The following TXNRD2 variants were observed in gnomAD, a reference collection of about 807,000 sequenced individuals.
The protein encoded by TXNRD2 is thioredoxin reductase 2, mitochondrial.
Under a neutral mutation model 70.8 loss-of-function variants are expected in TXNRD2, and 67 were observed. The observed-to-expected ratio is 0.95, with a 90% CI of 0.78 to 1.16. The LOEUF (loss-of-function observed/expected upper bound fraction) is 1.16, where lower values mean the gene tolerates loss of function less well. Ranked by LOEUF, TXNRD2 falls within the 50% of genes most tolerant of loss-of-function variation. The pLI, the probability that TXNRD2 is intolerant of heterozygous loss-of-function variation, is 0.00. For missense variants in TXNRD2, 644 were observed against 719.9 expected (o/e 0.89, Z 1.21); for synonymous variants, 301 against 295.8 (o/e 1.02, Z -0.18).
chr22:19,880,732 AG>A lies in TXNRD2; in HGVS notation c.1087-16del, dbSNP rs34827823. The A allele has an allele frequency of 0.15, 237,499 of 1,597,222 alleles. 19,523 individuals carry two copies. Among genetic ancestry groups the A allele is most frequent in the African/African-American group, 0.28 (20,583 of 74,560 alleles). On this transcript the variant is annotated splice_polypyrimidine_tract_variant and intron_variant, in intron 12 of 17. Transcript: ENST00000400521. ...TCAGGCCGCCCCTTGGGGAAGGCACAGGGGGGCCACGTCAGCACCATGTCCG... is the reference window on the plus strand; with the variant it reads ...TCAGGCCGCCCCTTGGGGAAGGCACAGGGGGCCACGTCAGCACCATGTCCG...
intron 10 of TXNRD2, among the ~76,000 whole-genome samples, chr22:19,896,925 C>T (rs1355766504): frequency 6.6e-6 from 1 of 152,156 alleles, no homozygotes; most frequent in Non-Finnish European, 1.5e-5. Context: ...TGAGGGAGAA[C>T]CATGGAGCCT....
At chr22:19,916,641 C>CAACA (rs1940652393) in intron 5 of TXNRD2, among the ~76,000 whole-genome samples, 9 of 145,816 alleles carry the variant, frequency 6.2e-5, no homozygotes, top group East Asian at 2.0e-4. Flanking sequence ...CGCGCCCCAC[C>CAACA]CTTTTTTTTT....
At chr22:19,877,311 G>T in intron 16 of TXNRD2, 77 bp from the exon 17 acceptor site, 1 of 1,393,626 alleles carries the variant, frequency 7.2e-7, no homozygotes, top group Non-Finnish European at 1.0e-6. Context: ...CCCGGGAAGA[G>T]GAGGGCCTCA....
At chr22:19,908,347 A>G (rs917758623) in intron 8 of TXNRD2, among the ~76,000 whole-genome samples, 1 of 152,216 alleles carries the variant, frequency 6.6e-6, no homozygotes, top group Non-Finnish European at 1.5e-5. Context: ...CTGTCAGCAC[A>G]AAGTGTTAAG....
chr22:19,895,617 G>C (rs773363276), intron 10 of TXNRD2, 36 bp from the exon 11 acceptor site: 2 of 1,603,370 alleles, frequency 1.2e-6, no homozygotes, highest in Admixed American at 3.3e-5. Context: ...TGAAGACCAG[G>C]TGGCCGTGGG....
intron 8 of TXNRD2, among the ~76,000 whole-genome samples, chr22:19,905,620 G>A (rs1939975644): frequency 1.3e-5 from 2 of 152,144 alleles, no homozygotes; most frequent in Admixed American, 1.3e-4. Context: ...GTACATCGAG[G>A]GGCCCAGCAG....
In TXNRD2 at chr22:19,909,765, ACACACACAC is replaced by A. The variant is rs1239032576; in HGVS notation, c.662+1603_662+1611del. On this transcript the variant is annotated intron_variant, in intron 8 of 17. Coordinates refer to ENST00000400521, the MANE Select transcript of TXNRD2 (RefSeq NM_006440.5). The stretch of plus-strand genomic sequence containing the variant: ...CACCACACACACCCACACCCTTCAC[ACACACACAC>A]CACACACACCACACACACACCACTC... 3.2e-3 allele frequency among the ~76,000 whole-genome samples: 418 copies of A among 129,650 alleles called. 3 individuals carry two copies. The highest frequency in any genetic ancestry group is 5.8e-3 in the Non-Finnish European group (359 of 61,602). 85.1% of individuals were successfully genotyped at this position (129,650 alleles called of 152,430 possible).
chr22:19,901,245 AG>A (rs1473376486), intron 8 of TXNRD2, among the ~76,000 whole-genome samples: 3 of 152,172 alleles, frequency 2.0e-5, no homozygotes, highest in Admixed American at 6.5e-5. Context: ...GGAGTCCCCC[AG>A]TGCCCGGGCC....
intron 8 of TXNRD2, among the ~76,000 whole-genome samples, chr22:19,909,638 TCACATA>T (rs1569093196): frequency 0.047 from 2,306 of 49,006 alleles, 29 homozygotes; most frequent in South Asian, 0.1. Context: ...CACACACCAC[TCACATA>T]CACACACCAT....
At chr22:19,885,570 A>G (rs1419134202) in intron 11 of TXNRD2, among the ~76,000 whole-genome samples, 1 of 152,192 alleles carries the variant, frequency 6.6e-6, no homozygotes, top group East Asian at 1.9e-4. Context: ...CATCAGAGGA[A>G]GGAGCTGGGC....
chr22:19,875,636 G>C lies in TXNRD2; in HGVS notation c.*237C>G, dbSNP rs534305504. On this transcript the variant is annotated 3_prime_UTR_variant, in exon 18 of 18. Transcript: ENST00000400521. ...TCATCATCTGGCACCAGGAGCCTGG[G>C]GGGGGGTGCCCGGCGGCAGAGGCTG... 6.6e-6 allele frequency: 1 copy of C among 152,390 alleles called. No homozygotes were observed. The highest frequency in any genetic ancestry group is 1.5e-5 in the Non-Finnish European group (1 of 68,174). 9.4% of individuals were successfully genotyped at this position (152,390 alleles called of 1,614,324 possible).
intron 12 of TXNRD2, among the ~76,000 whole-genome samples, chr22:19,882,643 G>T (rs1938832476): frequency 6.6e-6 from 1 of 152,228 alleles, no homozygotes. Flanking sequence ...GAAGCTCTCA[G>T]CGACCCTCCA....
rs371700934 is a variant in TXNRD2, at chr22:19,883,454, G to A, written c.957C>T (p.Val319=). 8.7e-6 allele frequency: 14 copies of A among 1,614,062 alleles called. No individual in the cohort carries two copies. In the East Asian group the frequency reaches 3.1e-4, roughly 36 times the overall value. The change falls in exon 12 of 18, where the codon GTC becomes GTT. Residue 319 remains valine, a synonymous_variant. Transcript: ENST00000400521. ...CCAAATTCAGACTTCTGGTGTCTGG[G>A]ACTCGACCTGAAGGAAACAGAGAGG... The part of the protein sequence containing the change: ...FDTVLWAIGR[V]PDTRSLNLEK...
chr22:19,883,643 G>C, intron 11 of TXNRD2, 182 bp from the exon 12 acceptor site: 1 of 778,628 alleles, frequency 1.3e-6, no homozygotes, highest in Non-Finnish European at 2.1e-6. Flanking sequence ...TTCGAGACCA[G>C]GCTGGCCAAC....
chr22:19,915,979 G>C (rs1054512568), intron 5 of TXNRD2, 136 bp from the exon 6 acceptor site: 17 of 761,562 alleles, frequency 2.2e-5, no homozygotes, highest in Admixed American at 4.2e-5. Flanking sequence ...TGGACCAAGA[G>C]GTAAGCGGCA....
At chr22:19,938,221 C>G (rs1002141624) in intron 1 of TXNRD2, 1 of 152,184 alleles carries the variant, frequency 6.6e-6, no homozygotes, top group African/African-American at 2.4e-5. Context: ...TCATACTAGT[C>G]TCATTAATTC....
intron 16 of TXNRD2, 36 bp downstream of exon 16, chr22:19,878,054 C>T (rs1405343762): frequency 6.4e-7 from 1 of 1,567,932 alleles, no homozygotes; most frequent in Non-Finnish European, 8.8e-7. Flanking sequence ...TACCCAGCTG[C>T]ACATCGCATC....
At chr22:19,909,630 C>T (rs1940249167) in intron 8 of TXNRD2, among the ~76,000 whole-genome samples, 1 of 128,990 alleles carries the variant, frequency 7.8e-6, no homozygotes, top group African/African-American at 2.9e-5. Flanking sequence ...ACACCACTCA[C>T]ACACCACTCA....
intron 2 of TXNRD2, among the ~76,000 whole-genome samples, chr22:19,929,948 G>A (rs937126491): frequency 6.6e-5 from 10 of 152,166 alleles, no homozygotes; most frequent in South Asian, 4.1e-4. Flanking sequence ...TCCACATTCC[G>A]GATTAAAGGG....
Sources: gnomAD v4.1 joint callset for allele counts (sites outside exome capture counted in the v4.1 genomes callset) on GRCh38, gnomAD v4.1.1 for gene constraint, MANE v1.5 for transcripts, NCBI Gene and HGNC (gene_info 2026-07-23, HGNC 2026-07-21) for gene names.